The following NRG1 variants were observed in gnomAD, a reference collection of about 807,000 sequenced individuals.
The protein encoded by NRG1 is pro-neuregulin-1, membrane-bound isoform.
NRG1 carries 18 observed loss-of-function variants against 63.8 expected under a neutral mutation model. That is an observed-to-expected ratio of 0.28 (90% confidence interval 0.19 to 0.42). The LOEUF is 0.42. Ranked by LOEUF, NRG1 falls within the 10% of genes least tolerant of loss-of-function variation. NRG1 has a pLI of 1.00. For missense variants in NRG1, 762 were observed against 814.7 expected (o/e 0.94, Z 0.79); for synonymous variants, 302 against 301.3 (o/e 1.00, Z -0.02).
chr8:32,181,419 A>G lies in NRG1; in HGVS notation c.38-414409A>G, dbSNP rs189863383. Among the ~76,000 whole-genome samples, 4 of 152,282 alleles carry G rather than the reference A, an allele frequency of 2.6e-5. No individual in the cohort carries two copies. In the East Asian group the frequency reaches 7.7e-4, roughly 29 times the overall value. On this transcript the variant is annotated intron_variant, in intron 1 of 10. Transcript: ENST00000519301. ...CTCTCTTCTTTGTAAATATCTCTAT[A>G]CTTTATTCTCTTTTATTTCCTTTGT...
chr8:32,142,248 G>A (rs1836368280), intron 1 of NRG1, among the ~76,000 whole-genome samples: 1 of 152,128 alleles, frequency 6.6e-6, no homozygotes, highest in African/African-American at 2.4e-5. Flanking sequence ...CCTGAGGATG[G>A]TGAAAGTAAT....
chr8:32,749,362 A>C, intron 7 of NRG1: 1 of 638,242 alleles, frequency 1.6e-6, no homozygotes. Flanking sequence ...ACACCTCATA[A>C]AAAGAGACGT....
At chr8:31,809,929 C>T (rs148905536) in intron 1 of NRG1, among the ~76,000 whole-genome samples, 179 of 151,636 alleles carry the variant, frequency 1.2e-3, no homozygotes, top group African/African-American at 3.9e-3. Flanking sequence ...TCAGCACCTT[C>T]GACTCAGATG....
At chr8:32,316,245 AG>A (rs1857373547) in intron 1 of NRG1, among the ~76,000 whole-genome samples, 1 of 152,272 alleles carries the variant, frequency 6.6e-6, no homozygotes, top group Non-Finnish European at 1.5e-5. Context: ...TGGGAGGCCG[AG>A]GTGGGCAGAT....
chr8:31,805,984 C>A (rs961998633), intron 1 of NRG1, among the ~76,000 whole-genome samples: 12 of 152,074 alleles, frequency 7.9e-5, no homozygotes, highest in African/African-American at 2.9e-4. Context: ...CCACCTAATG[C>A]CCATCAATCA....
downstream of NRG1, among the ~76,000 whole-genome samples, chr8:32,771,272 A>C: frequency 7.9e-6 from 1 of 126,858 alleles, no homozygotes; most frequent in African/African-American, 2.9e-5. Flanking sequence ...CACCATGCCC[A>C]GCGATTTTTT....
chr8:32,357,229 T>C (rs1197644776), intron 1 of NRG1, among the ~76,000 whole-genome samples: 2 of 152,066 alleles, frequency 1.3e-5, no homozygotes, highest in Non-Finnish European at 2.9e-5. Flanking sequence ...GACCAGAGCA[T>C]TAGTTACAAG....
intron 1 of NRG1, among the ~76,000 whole-genome samples, chr8:32,111,941 G>C (rs1832084843): frequency 6.6e-6 from 1 of 152,146 alleles, no homozygotes; most frequent in South Asian, 2.1e-4. Flanking sequence ...CTGATACTTA[G>C]AATGTTATTT....
intron 1 of NRG1, among the ~76,000 whole-genome samples, chr8:32,015,217 G>T (rs937917215): frequency 2.6e-5 from 4 of 152,054 alleles, no homozygotes; most frequent in African/African-American, 9.7e-5. Context: ...TAGACAGCTT[G>T]CACAAGCCCC....
At chr8:31,782,825 G>A (rs1156258223) in intron 1 of NRG1, among the ~76,000 whole-genome samples, 5 of 152,242 alleles carry the variant, frequency 3.3e-5, no homozygotes, top group South Asian at 2.1e-4. Flanking sequence ...CTGTGTGTCC[G>A]ACAGGCTCAC....
At chr8:32,412,734 C>A (rs1815284159) in intron 1 of NRG1, among the ~76,000 whole-genome samples, 1 of 151,696 alleles carries the variant, frequency 6.6e-6, no homozygotes, top group African/African-American at 2.4e-5. Flanking sequence ...ATACTGGAGG[C>A]AATTTCTAAC....
At chr8:32,575,598 C>A (rs1839481517) in intron 1 of NRG1, among the ~76,000 whole-genome samples, 1 of 152,152 alleles carries the variant, frequency 6.6e-6, no homozygotes, top group Non-Finnish European at 1.5e-5. Context: ...AAGTAGAGAT[C>A]TACACTGGAG....
chr8:32,510,550 A>G (rs1382625652), intron 1 of NRG1, among the ~76,000 whole-genome samples: 1 of 152,144 alleles, frequency 6.6e-6, no homozygotes, highest in African/African-American at 2.4e-5. Flanking sequence ...ACTCTAATAA[A>G]ATGGAACATC....
intron 1 of NRG1, among the ~76,000 whole-genome samples, chr8:31,728,052 T>C (rs1382102440): frequency 6.6e-6 from 1 of 152,168 alleles, no homozygotes; most frequent in Non-Finnish European, 1.5e-5. Flanking sequence ...CCACATAGAA[T>C]AGTGGATAAT....
At chr8:32,048,536 A>G (rs917042123) in intron 1 of NRG1, among the ~76,000 whole-genome samples, 1 of 147,682 alleles carries the variant, frequency 6.8e-6, no homozygotes, top group Non-Finnish European at 1.5e-5. Context: ...TTTTCTGAGA[A>G]ACCTTCACGC....
chr8:31,901,229 G>A (rs1832050816), intron 1 of NRG1, among the ~76,000 whole-genome samples: 1 of 152,180 alleles, frequency 6.6e-6, no homozygotes, highest in Admixed American at 6.5e-5. Context: ...ATTCACAAAA[G>A]CAAATGATGA....
At chr8:32,720,233 C>T (rs753633781) in intron 5 of NRG1, among the ~76,000 whole-genome samples, 6 of 151,992 alleles carry the variant, frequency 3.9e-5, no homozygotes, top group East Asian at 1.9e-4. Flanking sequence ...TTGCTTGGTA[C>T]GAAAGATTTG....
At chr8:31,670,841 C>G (rs1471969339) in intron 1 of NRG1, among the ~76,000 whole-genome samples, 1 of 152,008 alleles carries the variant, frequency 6.6e-6, no homozygotes, top group Admixed American at 6.6e-5. Flanking sequence ...GGTGCATATG[C>G]AGGTTTGTTA....
At chr8:32,104,315 AT>A (rs1329605421) in intron 1 of NRG1, among the ~76,000 whole-genome samples, 1 of 152,176 alleles carries the variant, frequency 6.6e-6, no homozygotes, top group Non-Finnish European at 1.5e-5. Flanking sequence ...GGTATAAAAG[AT>A]TTTATTTAAA....
Sources: allele counts gnomAD v4.1 joint callset (sites outside exome capture counted in the v4.1 genomes callset), GRCh38; gene constraint gnomAD v4.1.1; transcripts MANE v1.5; gene names NCBI Gene and HGNC (gene_info 2026-07-23, HGNC 2026-07-21).